Variants in NFIB observed in about 807,000 individuals in gnomAD.
NFIB encodes the protein nuclear factor I B, also known as nuclear factor 1 B-type.
Under a neutral mutation model 61.5 loss-of-function variants are expected in NFIB, and 11 were observed. That is an observed-to-expected ratio of 0.18 (90% CI 0.11 to 0.30). The LOEUF (loss-of-function observed/expected upper bound fraction) is 0.30. Among genes scored for constraint, NFIB ranks in the 10% least tolerant of loss-of-function variants. NFIB has a pLI of 1.00. For synonymous variants in NFIB, 260 were observed against 216.5 expected (o/e 1.20, Z -1.76); for missense variants, 471 against 608.9 (o/e 0.77, Z 2.38).
chr9:14,341,273 C>G (rs1243471896), intron 1 of NFIB, among the ~76,000 whole-genome samples: 2 of 152,130 alleles, frequency 1.3e-5, no homozygotes, highest in African/African-American at 4.8e-5. Flanking sequence ...CTTGGTTGTG[C>G]AGGTTGTGGA....
intron 2 of NFIB, among the ~76,000 whole-genome samples, chr9:14,290,816 T>C (rs2059042097): frequency 6.6e-6 from 1 of 152,108 alleles, no homozygotes; most frequent in Non-Finnish European, 1.5e-5. Context: ...GATTTGCCCC[T>C]AATGTTCTAT....
At chr9:14,187,705 A>G (rs2047534137) in intron 2 of NFIB, among the ~76,000 whole-genome samples, 1 of 152,194 alleles carries the variant, frequency 6.6e-6, no homozygotes, top group Non-Finnish European at 1.5e-5. Flanking sequence ...AGGATTTGTT[A>G]GCGCTCAAGA....
At chr9:14,439,564 C>G in the NFIB span, among the ~76,000 whole-genome samples, 63 of 152,196 alleles carry the variant, frequency 4.1e-4, no homozygotes, top group African/African-American at 1.4e-3. Flanking sequence ...CTTTGGCCAC[C>G]CCAGATGTGG....
At chr9:14,217,432 G>C (rs1430318864) in intron 2 of NFIB, among the ~76,000 whole-genome samples, 2 of 152,052 alleles carry the variant, frequency 1.3e-5, no homozygotes, top group Non-Finnish European at 2.9e-5. Context: ...AGGCCAAGGT[G>C]GGTGGATCAC....
At chr9:14,412,862 G>C in the NFIB span, among the ~76,000 whole-genome samples, 1 of 152,142 alleles carries the variant, frequency 6.6e-6, no homozygotes, top group East Asian at 1.9e-4. Flanking sequence ...TTTGTTCAGA[G>C]GAGGCTAAAA....
chr9:14,185,055 T>C (rs2047193651), intron 2 of NFIB, among the ~76,000 whole-genome samples: 1 of 145,564 alleles, frequency 6.9e-6, no homozygotes, highest in South Asian at 2.3e-4. Flanking sequence ...TTATATTTAA[T>C]TTACAATAAT....
chr9:14,485,910 C>A, the NFIB span, among the ~76,000 whole-genome samples: 53 of 151,794 alleles, frequency 3.5e-4, 1 homozygote, highest in South Asian at 5.8e-3. Context: ...AACAACCCCC[C>A]CCACAACACA....
the NFIB span, among the ~76,000 whole-genome samples, chr9:14,438,703 T>C: frequency 0.97 from 147,108 of 152,298 alleles, 71,089 homozygotes; most frequent in East Asian, 1. Context: ...ATACACGGGC[T>C]TAACCTTTAC....
intron 1 of NFIB, among the ~76,000 whole-genome samples, chr9:14,380,887 T>G (rs1240054146): frequency 6.6e-6 from 1 of 151,942 alleles, no homozygotes; most frequent in Non-Finnish European, 1.5e-5. Context: ...GTGCTGTCAC[T>G]AATTCACCTC....
At chr9:14,426,625 C>G in the NFIB span, among the ~76,000 whole-genome samples, 1 of 152,304 alleles carries the variant, frequency 6.6e-6, no homozygotes, top group South Asian at 2.1e-4. Flanking sequence ...TCTGTCCCAA[C>G]CAGCTCATCA....
chr9:14,296,032 TTTTCA>T (rs2059423266), intron 2 of NFIB, among the ~76,000 whole-genome samples: 1 of 151,920 alleles, frequency 6.6e-6, no homozygotes, highest in Non-Finnish European at 1.5e-5. Flanking sequence ...ACACAAAGAG[TTTTCA>T]CTAACAAATA....
intron 2 of NFIB, among the ~76,000 whole-genome samples, chr9:14,247,551 T>C (rs141327363): frequency 3.9e-5 from 6 of 152,342 alleles, no homozygotes; most frequent in African/African-American, 1.4e-4. Context: ...CATCTGACAC[T>C]GCACAGGCAC....
chr9:14,195,863 G>A (rs2048411523), intron 2 of NFIB, among the ~76,000 whole-genome samples: 1 of 152,046 alleles, frequency 6.6e-6, no homozygotes, highest in South Asian at 2.1e-4. Flanking sequence ...GAGGAAAAAG[G>A]GGGTGGGGTA....
In NFIB at chr9:14,291,651, T is replaced by G. The variant is rs530676933; in HGVS notation, c.562+15338A>C. ...GTTTGTTTTAAACTTAAAAAAAAAT[T>G]CTTTAACTGAGATGATACATGCCAC... On this transcript the variant is annotated intron_variant, in intron 2 of 10. Coordinates refer to ENST00000380953, the MANE Select transcript of NFIB (RefSeq NM_001190737.2). Among the ~76,000 whole-genome samples the G allele has an allele frequency of 5.3e-5, 8 of 152,244 alleles. No individual in the cohort carries two copies. The East Asian group carries it at 1.2e-3, about 22-fold the overall frequency.
the NFIB span, among the ~76,000 whole-genome samples, chr9:14,412,818 G>A: frequency 2.0e-5 from 3 of 152,302 alleles, no homozygotes; most frequent in Admixed American, 6.5e-5. Context: ...GGGGTATGGA[G>A]CTTTTACATT....
At chr9:14,266,635 T>G (rs2057226304) in intron 2 of NFIB, among the ~76,000 whole-genome samples, 1 of 151,952 alleles carries the variant, frequency 6.6e-6, no homozygotes. Flanking sequence ...CAAGTCTTCA[T>G]GCTTCCCTCG....
chr9:14,286,128 T>C (rs533348920), intron 2 of NFIB, among the ~76,000 whole-genome samples: 8 of 152,148 alleles, frequency 5.3e-5, no homozygotes, highest in East Asian at 1.9e-4. Flanking sequence ...ATCTGAGGAA[T>C]TGGAGAAATT....
At chr9:14,493,622 C>T in the NFIB span, among the ~76,000 whole-genome samples, 7 of 152,316 alleles carry the variant, frequency 4.6e-5, no homozygotes, top group Non-Finnish European at 8.8e-5. Flanking sequence ...ATACCTTGTG[C>T]TCCTACCCCA....
At chr9:14,093,267 T>A (rs971871655) in intron 10 of NFIB, among the ~76,000 whole-genome samples, 1 of 152,126 alleles carries the variant, frequency 6.6e-6, no homozygotes, top group Non-Finnish European at 1.5e-5. Flanking sequence ...AGTTAAACAG[T>A]TTATGAAATG....
Sources: allele counts gnomAD v4.1 joint callset (sites outside exome capture counted in the v4.1 genomes callset), GRCh38; gene constraint gnomAD v4.1.1; transcripts MANE v1.5; gene names NCBI Gene and HGNC (gene_info 2026-07-23, HGNC 2026-07-21).